SLC35D4: variants seen among roughly 807,000 people sequenced by gnomAD.
SLC35D4 encodes UDP-N-acetylglucosamine transporter SLC35D4.
the SLC35D4 span, among the ~76,000 whole-genome samples, chr18:23,397,673 T>C: frequency 5.9e-5 from 9 of 152,330 alleles, no homozygotes; most frequent in East Asian, 1.5e-3. Flanking sequence ...TGTTATACAA[T>C]GACTACTACA....
At chr18:23,300,963 C>T in the SLC35D4 span, among the ~76,000 whole-genome samples, 1 of 152,220 alleles carries the variant, frequency 6.6e-6, no homozygotes, top group Non-Finnish European at 1.5e-5. Context: ...AGCTAGTAGA[C>T]AGAGGATGGA....
the SLC35D4 span, chr18:23,298,164 C>A: frequency 1.4e-6 from 2 of 1,407,106 alleles, no homozygotes. Context: ...TCCCCTCATC[C>A]TGCAACTGAG....
chr18:23,406,638 T>A, the SLC35D4 span, among the ~76,000 whole-genome samples: 1 of 152,190 alleles, frequency 6.6e-6, no homozygotes, highest in Non-Finnish European at 1.5e-5. Flanking sequence ...CTATAGCCAG[T>A]TATGTAATAA....
chr18:23,338,384 G>A, the SLC35D4 span, among the ~76,000 whole-genome samples: 2 of 152,152 alleles, frequency 1.3e-5, no homozygotes, highest in Non-Finnish European at 1.5e-5. Flanking sequence ...AATTTCATGA[G>A]AGAATTAAAA....
At chr18:23,301,974 CTT>C in the SLC35D4 span, among the ~76,000 whole-genome samples, 1 of 152,196 alleles carries the variant, frequency 6.6e-6, no homozygotes, top group Admixed American at 6.5e-5. Context: ...TAATTAAAGA[CTT>C]TAAAAATATT....
At chr18:23,421,487 A>G in the SLC35D4 span, 1 of 1,576,952 alleles carries the variant, frequency 6.3e-7, no homozygotes, top group South Asian at 1.1e-5. Context: ...AGAGTGCTAC[A>G]GTCTCCAACA....
the SLC35D4 span, among the ~76,000 whole-genome samples, chr18:23,249,526 G>A: frequency 6.6e-6 from 1 of 152,212 alleles, no homozygotes; most frequent in Non-Finnish European, 1.5e-5. Flanking sequence ...TGACTCAGTG[G>A]GGCTGGAGCA....
At chr18:23,401,913 G>C in the SLC35D4 span, among the ~76,000 whole-genome samples, 1 of 152,230 alleles carries the variant, frequency 6.6e-6, no homozygotes, top group Non-Finnish European at 1.5e-5. Context: ...AACTAGAAAA[G>C]AGATACACAG....
the SLC35D4 span, among the ~76,000 whole-genome samples, chr18:23,408,666 C>T: frequency 6.6e-6 from 1 of 152,152 alleles, no homozygotes; most frequent in Non-Finnish European, 1.5e-5. Flanking sequence ...ATTCAATAAA[C>T]ATTTATTAAC....
chr18:23,282,939 C>T, the SLC35D4 span, among the ~76,000 whole-genome samples: 2 of 151,950 alleles, frequency 1.3e-5, no homozygotes, highest in Admixed American at 6.6e-5. Context: ...ACATCCTAAG[C>T]CCTCCAACTG....
At chr18:23,400,048 C>T in the SLC35D4 span, among the ~76,000 whole-genome samples, 1 of 152,100 alleles carries the variant, frequency 6.6e-6, no homozygotes, top group African/African-American at 2.4e-5. Context: ...CAAACAGCTC[C>T]GTGGAATCAC....
the SLC35D4 span, among the ~76,000 whole-genome samples, chr18:23,250,047 C>G: frequency 6.6e-6 from 1 of 152,170 alleles, no homozygotes; most frequent in Non-Finnish European, 1.5e-5. Flanking sequence ...AGTGAGAGCT[C>G]TCTTTCAAGG....
At chr18:23,406,596 C>A in the SLC35D4 span, among the ~76,000 whole-genome samples, 1 of 152,138 alleles carries the variant, frequency 6.6e-6, no homozygotes, top group African/African-American at 2.4e-5. Context: ...GGACCTCCCA[C>A]TGAACTACAC....
the SLC35D4 span, among the ~76,000 whole-genome samples, chr18:23,394,986 A>G: frequency 4.1e-4 from 62 of 150,452 alleles, no homozygotes; most frequent in African/African-American, 1.5e-3. Flanking sequence ...TCCATCTCAA[A>G]AAAAAAAAAA....
At chr18:23,388,434 T>C in the SLC35D4 span, among the ~76,000 whole-genome samples, 1 of 152,214 alleles carries the variant, frequency 6.6e-6, no homozygotes, top group Non-Finnish European at 1.5e-5. Flanking sequence ...ACTGGCCACT[T>C]GCTCGAGTAT....
the SLC35D4 span, among the ~76,000 whole-genome samples, chr18:23,305,229 G>A: frequency 2.0e-5 from 3 of 152,192 alleles, no homozygotes; most frequent in Non-Finnish European, 2.9e-5. Flanking sequence ...CCTGGGTGAC[G>A]CTCTGTTTGT....
At chr18:23,340,087 T>C in the SLC35D4 span, among the ~76,000 whole-genome samples, 1 of 152,202 alleles carries the variant, frequency 6.6e-6, no homozygotes, top group Middle Eastern at 3.4e-3. Context: ...CGTGCATGCC[T>C]CTCTCCTATC....
the SLC35D4 span, among the ~76,000 whole-genome samples, chr18:23,368,178 C>T: frequency 3.2e-4 from 49 of 152,314 alleles, no homozygotes; most frequent in African/African-American, 1.1e-3. Context: ...CAGCCCAGGG[C>T]AGCCTCTGAC....
chr18:23,321,566 C>T, the SLC35D4 span, among the ~76,000 whole-genome samples: 13 of 152,070 alleles, frequency 8.5e-5, no homozygotes, highest in African/African-American at 2.4e-4. Context: ...ACTGATTCTC[C>T]GTCTCAGCCT....
Sources: gnomAD v4.1 joint callset for allele counts (sites outside exome capture counted in the v4.1 genomes callset) on GRCh38, gnomAD v4.1.1 for gene constraint, MANE v1.5 for transcripts, NCBI Gene and HGNC (gene_info 2026-07-23, HGNC 2026-07-21) for gene names.